Variants in UBXN6 observed in about 807,000 individuals in gnomAD.
UBXN6 encodes UBX domain protein 6, also known as UBX domain-containing protein 6.
In UBXN6, 44 loss-of-function variants were observed where a neutral mutation model predicts 51.4. That is an observed-to-expected ratio of 0.86 (90% CI 0.67 to 1.10). UBXN6 has a LOEUF of 1.10. UBXN6 is among the 50% of genes least tolerant of loss of function. UBXN6 has a pLI of 0.00. For missense variants in UBXN6, 672 were observed against 596.1 expected (o/e 1.13, Z -1.32); for synonymous variants, 316 against 263.2 (o/e 1.20, Z -1.94).
intron 6 of UBXN6, 29 bp downstream of exon 6, chr19:4,447,520 TG>T: frequency 6.2e-7 from 1 of 1,611,422 alleles, no homozygotes. Context: ...ACCCCCAGCC[TG>T]GGCCCCGGGG....
chr19:4,446,507 T>C lies in UBXN6; in HGVS notation c.913A>G (p.Arg305Gly). The C allele has an allele frequency of 6.2e-7, 1 of 1,608,212 alleles. No homozygotes were observed. Among genetic ancestry groups the C allele is most frequent in the Non-Finnish European group, 8.5e-7 (1 of 1,178,530 alleles). Residue 305 changes from arginine (R) to glycine (G), a missense_variant, in exon 8 of 11, where the codon AGG becomes GGG. By Grantham distance (125) the Arg-to-Gly change is moderately radical (BLOSUM62 -2). Coordinates refer to ENST00000301281, the MANE Select transcript of UBXN6 (RefSeq NM_025241.3). ...LTAEEIKREQ[R>G]LRSEAVERLS... is the part of the protein sequence containing the mutation. ...CGCGGACGTCAGGCCCACCTGAGCC[T>C]CTGCTCCCGCTTGATCTCCTCTGCT...
rs1409487015 is a variant in UBXN6, at chr19:4,452,457, C to T, written c.348G>A (p.Leu116=). ...AGGTGAAGTACACGCCAGGCACAGC[C>T]AGGTGGGCAGAGCCTTCCTCTCTGG... ...SEPREEGSAH[L]AVPGVYFTCP... is the part of the protein sequence containing the mutation. The change falls in exon 4 of 11, where the codon CTG becomes CTA. Residue 116 remains leucine, a synonymous_variant. Coordinates refer to ENST00000301281, the MANE Select transcript of UBXN6 (RefSeq NM_025241.3). 1 of 1,611,896 alleles carries T rather than the reference C, an allele frequency of 6.2e-7. No individual in the cohort carries two copies.
At chr19:4,445,782 G>C (rs999297813) in intron 10 of UBXN6, 159 bp from the exon 11 acceptor site, 3 of 1,246,822 alleles carry the variant, frequency 2.4e-6, no homozygotes, top group Non-Finnish European at 3.3e-6. Flanking sequence ...CTCTCCCTCC[G>C]GGACTCCAGG....
At chr19:4,453,585 C>G (rs1388961266) in intron 2 of UBXN6, 63 bp from the exon 3 acceptor site, 15 of 1,577,736 alleles carry the variant, frequency 9.5e-6, no homozygotes, top group South Asian at 6.8e-5. Context: ...TGTCCTGGCC[C>G]AAGCCCCCTC....
chr19:4,454,606 AG>A (rs550986501), intron 1 of UBXN6, among the ~76,000 whole-genome samples: 57 of 152,034 alleles, frequency 3.7e-4, no homozygotes, highest in African/African-American at 1.3e-3. Context: ...CTATCGAGAC[AG>A]GGTCTCGCTA....
In UBXN6 at chr19:4,445,476, T is replaced by C. The variant is rs763164461; in HGVS notation, c.*22A>G. ...AGAGCATGAGACAGACCCACAGGGCTGAGGCCAACCCTGCTTTTATTTCAC... is the reference window on the plus strand; with the variant it reads ...AGAGCATGAGACAGACCCACAGGGCCGAGGCCAACCCTGCTTTTATTTCAC... On this transcript the variant is annotated 3_prime_UTR_variant, in exon 11 of 11. Coordinates refer to ENST00000301281, the MANE Select transcript of UBXN6 (RefSeq NM_025241.3). The C allele has an allele frequency of 1.2e-6, 2 of 1,613,570 alleles. No homozygotes were observed. The highest frequency in any genetic ancestry group is 2.2e-5 in the South Asian group (2 of 91,080).
rs754119894 is a variant in UBXN6 at position 4,454,028 on chromosome 19, T to C, written c.149A>G (p.Asn50Ser). 7 of 1,602,540 alleles carry C rather than the reference T, an allele frequency of 4.4e-6. No homozygotes were observed. Among genetic ancestry groups the C allele is most frequent in the South Asian group, 1.1e-5 (1 of 90,188 alleles). ...APRPPRQGPT[N>S]EAQMAAAAAL... The stretch of plus-strand genomic sequence containing the variant: ...GGCAGCGGCTGCCATCTGTGCCTCA[T>C]TGGTGGGTCCCTGGCGGGGCGGCCT... The change falls in exon 2 of 11, where the codon AAT becomes AGT. Residue 50 changes from asparagine (N) to serine (S), a missense_variant. Coordinates refer to ENST00000301281, the MANE Select transcript of UBXN6 (RefSeq NM_025241.3).
chr19:4,452,237 G>A (rs184448060), intron 4 of UBXN6, 127 bp downstream of exon 4: 21 of 1,368,742 alleles, frequency 1.5e-5, no homozygotes, highest in African/African-American at 1.3e-4. Flanking sequence ...TCAGAGGAGG[G>A]GCTTCACTAC....
At chr19:4,446,466 C>G in intron 8 of UBXN6, 34 bp downstream of exon 8, 7 of 1,588,746 alleles carry the variant, frequency 4.4e-6, no homozygotes, top group Non-Finnish European at 5.1e-6. Context: ...CCACCCCGCC[C>G]CGCCCCACTC....
intron 1 of UBXN6, chr19:4,455,101 TC>T: frequency 1.7e-6 from 1 of 602,844 alleles, no homozygotes; most frequent in Non-Finnish European, 2.1e-6. Context: ...CAAGGAGAGT[TC>T]CGTAACCCAC....
In UBXN6 at chr19:4,446,390, C is replaced by T; in HGVS notation, c.944G>A (p.Ser315Asn). 1.3e-6 allele frequency: 2 copies of T among 1,578,178 alleles called. No homozygotes were observed. The highest frequency in any genetic ancestry group is 1.1e-5 in the South Asian group (1 of 88,464). ...CCGCATGGCCTTGGTCCGCAGCACG[C>T]TCAGCCGCTCCACCGCCTCGGACCT... ...RLRSEAVERL[S>N]VLRTKAMREK... The change falls in exon 9 of 11, where the codon AGC becomes AAC. Residue 315 changes from serine (S) to asparagine (N), a missense_variant. By Grantham distance (46) the Ser-to-Asn change is conservative (BLOSUM62 1). Transcript: ENST00000301281.
intron 1 of UBXN6, 47 bp from the exon 2 acceptor site, chr19:4,454,140 G>A (rs191612298): frequency 9.2e-5 from 136 of 1,480,920 alleles, no homozygotes; most frequent in African/African-American, 1.6e-4. Flanking sequence ...CGAGGTGGCC[G>A]GCAAAGCTGA....
chr19:4,454,004 G>C lies in UBXN6; in HGVS notation c.173C>G (p.Ala58Gly). 6.2e-7 allele frequency: 1 copy of C among 1,607,722 alleles called. No homozygotes were observed. The highest frequency in any genetic ancestry group is 8.5e-7 in the Non-Finnish European group (1 of 1,178,586). Residue 58 changes from alanine (A) to glycine (G), a missense_variant, in exon 2 of 11, where the codon GCC becomes GGC. By Grantham distance (60) the Ala-to-Gly change is moderately conservative. Transcript: ENST00000301281. The stretch of plus-strand genomic sequence containing the variant: ...CTTCTGCTCCAGCCGGGCTAGGGCG[G>C]CAGCGGCTGCCATCTGTGCCTCATT... ...PTNEAQMAAA[A>G]ALARLEQKQS...
intron 4 of UBXN6, chr19:4,448,737 G>A (rs1378726393): frequency 5.8e-6 from 2 of 346,772 alleles, no homozygotes; most frequent in Non-Finnish European, 1.1e-5. Flanking sequence ...CTCGACCTCA[G>A]TGCTGAGATC....
Position 4,446,669 on chromosome 19 carries a change from G to A in UBXN6, c.751C>T (p.Gln251Ter), listed in dbSNP as rs1304223270. 5 of 1,612,052 alleles carry A rather than the reference G, an allele frequency of 3.1e-6. No individual in the cohort carries two copies. Among genetic ancestry groups the A allele is most frequent in the Non-Finnish European group, 4.2e-6 (5 of 1,179,162 alleles). ...VLSETTLAQP[Q>*]SLERHKEQLL... ...TGTTCCTTGTGCCTCTCCAGGCTCT[G>A]GGGCTGGGCCAAGGTGGTCTCGCTC... Residue 251 changes from glutamine to a stop codon, truncating the protein, a stop_gained, in exon 8 of 11, where the codon CAG (glutamine) becomes TAG (stop). Coordinates refer to ENST00000301281, the MANE Select transcript of UBXN6 (RefSeq NM_025241.3). LOFTEE classifies it high-confidence loss of function.
At chr19:4,448,283 A>T in intron 5 of UBXN6, 35 bp downstream of exon 5, 1 of 1,553,414 alleles carries the variant, frequency 6.4e-7, no homozygotes, top group Non-Finnish European at 8.7e-7. Context: ...GATGAGCTGG[A>T]GGGGCCAGGC....
chr19:4,457,584 A>C (rs1974757858), intron 1 of UBXN6, 31 bp downstream of exon 1: 1 of 1,563,024 alleles, frequency 6.4e-7, no homozygotes, highest in Non-Finnish European at 8.6e-7. Flanking sequence ...CCCGCCCCGC[A>C]GGGCCTCAAG....
chr19:4,448,505 G>A (rs1006033416), intron 4 of UBXN6, 90 bp from the exon 5 acceptor site: 6 of 1,096,062 alleles, frequency 5.5e-6, no homozygotes, highest in Non-Finnish European at 6.7e-6. Flanking sequence ...GGAAAAGGAA[G>A]GCAGAACAGC....
rs1974577291 is a variant in UBXN6, at chr19:4,448,158, G to A, written c.539+160C>T. 4 of 652,450 alleles carry A rather than the reference G, an allele frequency of 6.1e-6. No individual in the cohort carries two copies. In the Admixed American group the frequency reaches 7.9e-5, roughly 13 times the overall value. The allele number at this position is 652,450 out of a possible 1,614,324, so 40.4% of individuals were successfully genotyped here. On this transcript the variant is annotated intron_variant, in intron 5 of 10. Transcript: ENST00000301281. ...GAGGCCCAAGGAGGCCCAGCCCTTT[G>A]CCTGAGGCCTCTGGGTGGAGCTGCC...
Sources: gnomAD v4.1 joint callset for allele counts (sites outside exome capture counted in the v4.1 genomes callset) on GRCh38, gnomAD v4.1.1 for gene constraint, MANE v1.5 for transcripts, NCBI Gene and HGNC (gene_info 2026-07-23, HGNC 2026-07-21) for gene names.